Variants in GPHN observed in about 807,000 individuals in gnomAD.
GPHN encodes the protein gephyrin.
In GPHN, 17 loss-of-function variants were observed where a neutral mutation model predicts 95.5. The ratio of observed to expected loss-of-function variants is 0.18; its 90% confidence interval spans 0.12 to 0.27. The LOEUF (loss-of-function observed/expected upper bound fraction) is 0.27, where lower values mean the gene tolerates loss of function less well. GPHN is among the 10% of genes least tolerant of loss of function. The probability of loss-of-function intolerance (pLI) is 1.00; values close to 1 mark genes in which losing one functional copy is unlikely to be tolerated. For synonymous variants in GPHN, 320 were observed against 322.5 expected (o/e 0.99, Z 0.08); for missense variants, 660 against 978.1 (o/e 0.67, Z 4.34).
chr14:67,152,737 C>A (rs1192294351), intron 18 of GPHN, among the ~76,000 whole-genome samples: 1 of 152,106 alleles, frequency 6.6e-6, no homozygotes, highest in Non-Finnish European at 1.5e-5. Context: ...TAGGCCGAGG[C>A]GGGCAGATCA....
intron 2 of GPHN, among the ~76,000 whole-genome samples, chr14:66,768,297 T>C (rs1595842243): frequency 1.3e-5 from 2 of 151,942 alleles, no homozygotes; most frequent in South Asian, 4.1e-4. Context: ...TTTATCCTAA[T>C]GGAAAAAAAG....
intron 2 of GPHN, among the ~76,000 whole-genome samples, chr14:66,728,377 T>G (rs1362996003): frequency 6.6e-6 from 1 of 152,108 alleles, no homozygotes; most frequent in Non-Finnish European, 1.5e-5. Context: ...CCTCCAGACT[T>G]CAGAATAGTA....
At chr14:67,453,968 G>A in the GPHN span, 1 of 152,228 alleles carries the variant, frequency 6.6e-6, no homozygotes, top group Non-Finnish European at 1.5e-5. Context: ...CTTAAAAAAG[G>A]TATCAAGTCC....
At chr14:67,091,932 T>C (rs2077165810) in intron 12 of GPHN, among the ~76,000 whole-genome samples, 1 of 152,054 alleles carries the variant, frequency 6.6e-6, no homozygotes, top group Non-Finnish European at 1.5e-5. Context: ...ATTCACATTG[T>C]TTCTTTCTTG....
chr14:66,838,287 C>T (rs970256215), intron 4 of GPHN, among the ~76,000 whole-genome samples: 1 of 151,982 alleles, frequency 6.6e-6, no homozygotes, highest in African/African-American at 2.4e-5. Context: ...TAAATCTTTG[C>T]TATTGTTATC....
intron 10 of GPHN, among the ~76,000 whole-genome samples, chr14:67,041,329 C>T (rs1244083245): frequency 5.3e-5 from 8 of 151,950 alleles, no homozygotes; most frequent in Non-Finnish European, 1.2e-4. Context: ...TAACCCATCA[C>T]CTACATTAGG....
At chr14:67,000,524 A>G (rs1488113606) in intron 9 of GPHN, among the ~76,000 whole-genome samples, 1 of 151,688 alleles carries the variant, frequency 6.6e-6, no homozygotes, top group Non-Finnish European at 1.5e-5. Context: ...TTATTTCAAT[A>G]TATTTATCTA....
chr14:67,324,259 A>G, the GPHN span, among the ~76,000 whole-genome samples: 1 of 152,120 alleles, frequency 6.6e-6, no homozygotes, highest in Non-Finnish European at 1.5e-5. Context: ...TTTTTAAATT[A>G]TTTTAGATCT....
At chr14:67,500,754 C>T in the GPHN span, among the ~76,000 whole-genome samples, 1 of 151,476 alleles carries the variant, frequency 6.6e-6, no homozygotes, top group Non-Finnish European at 1.5e-5. Flanking sequence ...TGTATTTTTA[C>T]TAGAGACGGG....
chr14:67,592,302 A>C, the GPHN span: 1 of 431,526 alleles, frequency 2.3e-6, no homozygotes, highest in South Asian at 1.9e-5. Flanking sequence ...TAGCCAGGCG[A>C]GATGGTGCAC....
the GPHN span, chr14:67,684,397 G>A: frequency 6.6e-6 from 1 of 152,072 alleles, no homozygotes; most frequent in Non-Finnish European, 1.5e-5. Flanking sequence ...ATGGGGATAG[G>A]GCAGAATTGG....
intron 5 of GPHN, among the ~76,000 whole-genome samples, chr14:66,904,500 C>T (rs369796244): frequency 1.3e-5 from 2 of 152,206 alleles, no homozygotes; most frequent in Admixed American, 6.6e-5. Flanking sequence ...CTGATTGGTA[C>T]GTTTTACAAT....
chr14:66,908,300 A>G (rs931503046), intron 5 of GPHN, among the ~76,000 whole-genome samples: 1 of 151,928 alleles, frequency 6.6e-6, no homozygotes, highest in African/African-American at 2.4e-5. Flanking sequence ...CAAAACACAC[A>G]TTGGCGGGTA....
intron 2 of GPHN, chr14:66,760,780 G>T: frequency 2.0e-6 from 1 of 490,360 alleles, no homozygotes; most frequent in South Asian, 1.6e-5. Context: ...AATACAGAGA[G>T]AGCTATGGAA....
chr14:66,771,049 T>C (rs1438244903), intron 2 of GPHN, among the ~76,000 whole-genome samples: 1 of 152,144 alleles, frequency 6.6e-6, no homozygotes, highest in Non-Finnish European at 1.5e-5. Flanking sequence ...TCACCATCTT[T>C]CACCCAATGA....
chr14:67,431,729 G>A, the GPHN span, among the ~76,000 whole-genome samples: 2 of 151,940 alleles, frequency 1.3e-5, no homozygotes, highest in Admixed American at 6.6e-5. Context: ...CCAAAACAGC[G>A]GCAAAAAAGG....
intron 6 of GPHN, among the ~76,000 whole-genome samples, chr14:66,918,240 T>C (rs1472363315): frequency 1.3e-5 from 2 of 152,206 alleles, no homozygotes; most frequent in East Asian, 3.9e-4. Context: ...CATGGACATG[T>C]CACCCTTCTG....
chr14:67,364,077 A>G, the GPHN span: 2 of 152,222 alleles, frequency 1.3e-5, no homozygotes, highest in African/African-American at 4.8e-5. Context: ...GATTAAAGCT[A>G]TTCTCAAGAT....
chr14:67,089,133 C>CTTTTTTTTTTTTTTTGTTTTTTTTTT (rs2077041069), intron 12 of GPHN, 58 bp downstream of exon 12: 1 of 174,676 alleles, frequency 5.7e-6, no homozygotes, highest in African/African-American at 9.4e-5. Context: ...TTCTTTTTTT[C>CTTTTTTTTTTTTTTTGTTTTTTTTTT]TTTTTTTTTT....
Sources: gnomAD v4.1 joint callset for allele counts (sites outside exome capture counted in the v4.1 genomes callset) on GRCh38, gnomAD v4.1.1 for gene constraint, MANE v1.5 for transcripts, NCBI Gene and HGNC (gene_info 2026-07-23, HGNC 2026-07-21) for gene names.